MMD: variants seen among roughly 807,000 people sequenced by gnomAD.
MMD encodes monocyte to macrophage differentiation factor.
A neutral mutation model predicts 33.6 loss-of-function variants in MMD; 22 were observed. That is an observed-to-expected ratio of 0.66 (90% CI 0.47 to 0.94). The LOEUF (loss-of-function observed/expected upper bound fraction) is 0.94. MMD is among the 40% of genes least tolerant of loss of function. The pLI is 0.00. For missense variants in MMD, 242 were observed against 309.8 expected, an observed-to-expected ratio of 0.78 and a Z score of 1.64; for synonymous variants, 97 against 103.2, an observed-to-expected ratio of 0.94 and a Z score of 0.36.
chr17:55,397,504 G>A (rs559326167), intron 6 of MMD, among the ~76,000 whole-genome samples: 1 of 150,434 alleles, frequency 6.6e-6, no homozygotes. Flanking sequence ...TTTCCTTTCC[G>A]CATTTTATTT....
At chr17:55,403,723 G>T in intron 5 of MMD, 44 bp downstream of exon 5, 1 of 1,417,770 alleles carries the variant, frequency 7.1e-7, no homozygotes, top group Non-Finnish European at 9.9e-7. Flanking sequence ...TAATATTTAG[G>T]CAGTCAATTT....
intron 6 of MMD, among the ~76,000 whole-genome samples, chr17:55,397,849 CA>C (rs200412789): frequency 0.013 from 1,953 of 152,192 alleles, 45 homozygotes; most frequent in African/African-American, 0.044. Flanking sequence ...ACCCTTTCAG[CA>C]TTTTAAATGT....
chr17:55,408,776 G>A (rs145331294), intron 3 of MMD, among the ~76,000 whole-genome samples: 1 of 152,288 alleles, frequency 6.6e-6, no homozygotes, highest in African/African-American at 2.4e-5. Flanking sequence ...TGAGGCAGGT[G>A]GATCACTTGA....
At chr17:55,420,832 C>G (rs543484334) in intron 1 of MMD, among the ~76,000 whole-genome samples, 6 of 152,190 alleles carry the variant, frequency 3.9e-5, no homozygotes, top group African/African-American at 7.2e-5. Context: ...GAGTCATGGG[C>G]TAACCTCCAT....
In MMD at chr17:55,407,770, A is replaced by G; in HGVS notation, c.320T>C (p.Phe107Ser). ...HMCDRMVIYF[F>S]IAASYAPWLN... is the part of the protein sequence containing the mutation. The stretch of plus-strand genomic sequence containing the variant: ...CCATGGAGCATAAGAAGCAGCAATG[A>G]AGAAATAGATAACCATTCTATCACA... The change falls in exon 4 of 7, where the codon TTC (phenylalanine) becomes TCC (serine). Residue 107 changes from phenylalanine (F) to serine (S), a missense_variant. By Grantham distance (155) the Phe-to-Ser change is radical. Coordinates refer to ENST00000262065, the MANE Select transcript of MMD (RefSeq NM_012329.3). 6.2e-7 allele frequency: 1 copy of G among 1,601,402 alleles called. No individual in the cohort carries two copies. The highest frequency in any genetic ancestry group is 8.5e-7 in the Non-Finnish European group (1 of 1,176,686).
At chr17:55,415,126 G>A (rs1451193183) in intron 1 of MMD, among the ~76,000 whole-genome samples, 2 of 152,078 alleles carry the variant, frequency 1.3e-5, no homozygotes, top group Admixed American at 6.6e-5. Context: ...GAGTGAGGAT[G>A]CCCTCCCCAC....
chr17:55,396,344 TGACA>T (rs2143115027), intron 6 of MMD, among the ~76,000 whole-genome samples: 1 of 152,344 alleles, frequency 6.6e-6, no homozygotes, highest in Admixed American at 6.5e-5. Flanking sequence ...TTATCCAGTC[TGACA>T]ATCTCTGCCT....
chr17:55,408,145 T>C (rs1907627719), intron 3 of MMD, among the ~76,000 whole-genome samples: 1 of 152,188 alleles, frequency 6.6e-6, no homozygotes. Context: ...TCCATTTCTT[T>C]TGGATCCCCT....
chr17:55,405,438 AAC>A (rs1227918788), intron 4 of MMD, among the ~76,000 whole-genome samples: 1 of 152,110 alleles, frequency 6.6e-6, no homozygotes. Context: ...GATTATCTAT[AAC>A]TACAAAAGTC....
rs142133772 is a variant in MMD, at chr17:55,398,566, G to T, written c.516+2903C>A. 2.8e-3 allele frequency among the ~76,000 whole-genome samples: 426 copies of T among 151,768 alleles called. 1 individual carries two copies. Among genetic ancestry groups the T allele is most frequent in the African/African-American group, 9.8e-3 (406 of 41,432 alleles). ...TTATTTATTTTATTACATTATTATT[G>T]ATTTATTTCTGATAATATTTACTTA... On this transcript the variant is annotated intron_variant, in intron 6 of 6. Coordinates refer to ENST00000262065, the MANE Select transcript of MMD (RefSeq NM_012329.3).
Position 55,399,038 on chromosome 17 carries a change from A to G in MMD, c.516+2431T>C, listed in dbSNP as rs116587366. 4.1e-3 allele frequency among the ~76,000 whole-genome samples: 629 copies of G among 152,208 alleles called. 6 individuals are homozygous for G. Among genetic ancestry groups the G allele is most frequent in the African/African-American group, 0.015 (609 of 41,524 alleles). On this transcript the variant is annotated intron_variant, in intron 6 of 6. Transcript: ENST00000262065. ...TCCCTGAGCGGCTTCCTCCTCTTCC[A>G]TACCCTGCCCCACAAACTGCAGCCA... is the stretch of plus-strand genomic sequence containing the variant.
rs566036803 is a variant in MMD at position 55,404,877 on chromosome 17, C to T, written c.345-1009G>A. ...AGGAGTTCAAGACCAGCCTGGCCAA[C>T]ATGGTGGAACCCAGTCTCTACTAAA... On this transcript the variant is annotated intron_variant, in intron 4 of 6. Transcript: ENST00000262065. 2.7e-5 allele frequency: 10 copies of T among 375,460 alleles called. No individual in the cohort carries two copies. The South Asian group carries it at 1.1e-3, about 40-fold the overall frequency. 23.3% of individuals were successfully genotyped at this position (375,460 alleles called of 1,614,324 possible).
At chr17:55,398,449 G>A (rs748711099) in intron 6 of MMD, among the ~76,000 whole-genome samples, 18 of 151,552 alleles carry the variant, frequency 1.2e-4, no homozygotes, top group Admixed American at 4.6e-4. Context: ...TATCTCTCCC[G>A]TCTTTTGATC....
intron 5 of MMD, among the ~76,000 whole-genome samples, chr17:55,402,867 A>T (rs913896811): frequency 6.6e-6 from 1 of 152,256 alleles, no homozygotes; most frequent in African/African-American, 2.4e-5. Flanking sequence ...AAAAGAAGTT[A>T]GTGAAAACTA....
chr17:55,419,827 T>C (rs572290502), intron 1 of MMD, among the ~76,000 whole-genome samples: 5 of 152,274 alleles, frequency 3.3e-5, no homozygotes, highest in East Asian at 1.9e-4. Context: ...TAAATATCCA[T>C]TGAGAAACAC....
At chr17:55,416,911 G>C (rs1676850972) in intron 1 of MMD, among the ~76,000 whole-genome samples, 1 of 152,132 alleles carries the variant, frequency 6.6e-6, no homozygotes, top group Non-Finnish European at 1.5e-5. Flanking sequence ...TAGTTAGGCA[G>C]AGTTTTTTTA....
In MMD at chr17:55,411,283, A is replaced by G; in HGVS notation, c.243T>C (p.Ile81=). 6.2e-7 allele frequency: 1 copy of G among 1,613,296 alleles called. No individual in the cohort carries two copies. Among genetic ancestry groups the G allele is most frequent in the Non-Finnish European group, 8.5e-7 (1 of 1,179,762 alleles). Reference sequence around the variant, plus strand: ...TTAAGTGGCTCTTTTTCCATGATACAATGTGAAATACTGTAGAAACGATGA... The same window carrying G: ...TTAAGTGGCTCTTTTTCCATGATACGATGTGAAATACTGTAGAAACGATGA... The part of the protein sequence containing the change: ...ALFIVSTVFH[I]VSWKKSHLRT... The change falls in exon 3 of 7, where the codon ATT becomes ATC. Residue 81 remains isoleucine (I), a synonymous_variant. Coordinates refer to ENST00000262065, the MANE Select transcript of MMD (RefSeq NM_012329.3).
At chr17:55,410,302 T>C (rs936731085) in intron 3 of MMD, among the ~76,000 whole-genome samples, 2 of 152,210 alleles carry the variant, frequency 1.3e-5, no homozygotes, top group Admixed American at 6.5e-5. Context: ...AAGGAGCATA[T>C]ATTTTAAATA....
intron 4 of MMD, among the ~76,000 whole-genome samples, chr17:55,407,408 G>A (rs1180529579): frequency 1.3e-5 from 2 of 152,120 alleles, no homozygotes; most frequent in Non-Finnish European, 2.9e-5. Flanking sequence ...ATTTTCTAGT[G>A]TTCTGAACAA....
Sources: gnomAD v4.1 joint callset for allele counts (sites outside exome capture counted in the v4.1 genomes callset) on GRCh38, gnomAD v4.1.1 for gene constraint, MANE v1.5 for transcripts, NCBI Gene and HGNC (gene_info 2026-07-23, HGNC 2026-07-21) for gene names.